The following PTPN9 variants were observed in gnomAD, a reference collection of about 807,000 sequenced individuals.
The protein encoded by PTPN9 is protein tyrosine phosphatase non-receptor type 9, also known as tyrosine-protein phosphatase non-receptor type 9.
PTPN9 carries 26 observed loss-of-function variants against 69.8 expected under a neutral mutation model. The ratio of observed to expected loss-of-function variants is 0.37; its 90% CI spans 0.27 to 0.52. PTPN9 has a LOEUF of 0.52. PTPN9 is among the 20% of genes least tolerant of loss of function. The pLI, the probability that PTPN9 is intolerant of heterozygous loss-of-function variation, is 0.91. For missense variants in PTPN9, 549 were observed against 740.3 expected (o/e 0.74, Z 3.00); for synonymous variants, 274 against 272.5 (o/e 1.01, Z -0.05).
In PTPN9 at chr15:75,467,754, A is replaced by G. The variant is rs555356142; in HGVS notation, c.*1015T>C. The G allele has an allele frequency of 6.6e-6, 1 of 152,626 alleles. No individual in the cohort carries two copies. Among genetic ancestry groups the G allele is most frequent in the African/African-American group, 2.4e-5 (1 of 41,514 alleles). The allele number at this position is 152,626 out of a possible 1,614,324, so 9.5% of individuals were successfully genotyped here. ...TGCATTTGGCTCTGGCTGCTCAGTG[A>G]GTTCATCTCTACCCTCCGCCTCCCA... On this transcript the variant is annotated 3_prime_UTR_variant, in exon 13 of 13. Coordinates refer to ENST00000618819, the MANE Select transcript of PTPN9 (RefSeq NM_002833.4).
At chr15:75,488,693 C>T (rs1567476189) in intron 8 of PTPN9, among the ~76,000 whole-genome samples, 1 of 152,070 alleles carries the variant, frequency 6.6e-6, no homozygotes, top group Non-Finnish European at 1.5e-5. Flanking sequence ...ACTTGGGAGG[C>T]AGAGGTGGGA....
chr15:75,572,879 C>T (rs957802829), intron 1 of PTPN9, among the ~76,000 whole-genome samples: 3 of 152,114 alleles, frequency 2.0e-5, no homozygotes, highest in African/African-American at 7.2e-5. Flanking sequence ...ATAGTAATTT[C>T]ATCATAATTT....
At chr15:75,482,181 CAT>C (rs2074640940) in intron 8 of PTPN9, among the ~76,000 whole-genome samples, 1 of 151,802 alleles carries the variant, frequency 6.6e-6, no homozygotes, top group Non-Finnish European at 1.5e-5. Context: ...CTCTCTGAAA[CAT>C]GTGCTGTGTC....
At chr15:75,469,770 A>G in intron 12 of PTPN9, 22 bp downstream of exon 12, 1 of 1,606,712 alleles carries the variant, frequency 6.2e-7, no homozygotes, top group Non-Finnish European at 8.5e-7. Flanking sequence ...GCAGACACCA[A>G]GAGCTGCATT....
intron 7 of PTPN9, among the ~76,000 whole-genome samples, chr15:75,494,562 A>G (rs1438148510): frequency 6.6e-6 from 1 of 151,384 alleles, no homozygotes; most frequent in East Asian, 2.0e-4. Flanking sequence ...CATGTTGGCC[A>G]GGCTGGTCTT....
At chr15:75,491,277 C>A (rs1366725040) in intron 7 of PTPN9, among the ~76,000 whole-genome samples, 1 of 151,998 alleles carries the variant, frequency 6.6e-6, no homozygotes. Context: ...ATGGCACACA[C>A]CTGTAATCCC....
intron 1 of PTPN9, among the ~76,000 whole-genome samples, chr15:75,545,554 G>C (rs1019054980): frequency 6.6e-6 from 1 of 152,206 alleles, no homozygotes; most frequent in Non-Finnish European, 1.5e-5. Context: ...TTAAATCACA[G>C]AAGAAACTAT....
chr15:75,483,898 C>G (rs1050557866), intron 8 of PTPN9, among the ~76,000 whole-genome samples: 4 of 152,258 alleles, frequency 2.6e-5, no homozygotes, highest in African/African-American at 9.6e-5. Context: ...ACATCTGAAG[C>G]CTGTTAGCAA....
intron 1 of PTPN9, among the ~76,000 whole-genome samples, chr15:75,566,979 T>A (rs2075129059): frequency 1.3e-5 from 2 of 151,748 alleles, no homozygotes; most frequent in Admixed American, 1.3e-4. Context: ...AACAGAAACA[T>A]ATGATCATTG....
At position 75,579,073 on chromosome 15, in the gene PTPN9, G is replaced by A; in HGVS notation, c.-297C>T. ...AAAAAGTGCAGGCGAAGAGCTAACAGCCACTCGGGATTTAAAAGGAAATAG... is the reference window on the plus strand; with the variant it reads ...AAAAAGTGCAGGCGAAGAGCTAACAACCACTCGGGATTTAAAAGGAAATAG... On this transcript the variant is annotated 5_prime_UTR_variant, in exon 1 of 13. Transcript: ENST00000618819. 1 of 205,064 alleles carries A rather than the reference G, an allele frequency of 4.9e-6. No homozygotes were observed. The allele number at this position is 205,064 out of a possible 1,614,324, so 12.7% of individuals were successfully genotyped here.
chr15:75,532,624 C>T (rs1016970594), intron 1 of PTPN9, among the ~76,000 whole-genome samples: 1 of 152,204 alleles, frequency 6.6e-6, no homozygotes. Flanking sequence ...GCTTTAAGCA[C>T]AGGAACAATT....
intron 8 of PTPN9, chr15:75,480,729 G>C: frequency 7.7e-7 from 1 of 1,304,966 alleles, no homozygotes; most frequent in Non-Finnish European, 9.8e-7. Context: ...ATGGAGTTCA[G>C]CGGGCAGCGG....
chr15:75,479,672 A>G lies in PTPN9; in HGVS notation c.1129+176T>C, dbSNP rs189136933. Among the ~76,000 whole-genome samples the G allele has an allele frequency of 3.5e-3, 525 of 151,962 alleles. 2 individuals are homozygous for G. Among genetic ancestry groups the G allele is most frequent in the Non-Finnish European group, 6.0e-3 (405 of 67,980 alleles). ...GTTTCCAGGCACACCTGGTACAGAA[A>G]CCCCAAACTACTTATTTGCTTTTCT... On this transcript the variant is annotated intron_variant, in intron 9 of 12. Coordinates refer to ENST00000618819, the MANE Select transcript of PTPN9 (RefSeq NM_002833.4).
chr15:75,511,781 G>A (rs757801101), intron 5 of PTPN9, among the ~76,000 whole-genome samples: 17 of 151,726 alleles, frequency 1.1e-4, no homozygotes, highest in Non-Finnish European at 1.8e-4. Flanking sequence ...CCATCATTCT[G>A]ATTATTCAGT....
intron 4 of PTPN9, among the ~76,000 whole-genome samples, chr15:75,520,836 C>G (rs1231518980): frequency 1.3e-5 from 2 of 151,948 alleles, no homozygotes; most frequent in Admixed American, 6.6e-5. Flanking sequence ...CAGCATTTTA[C>G]TCTGTTGCCC....
At chr15:75,534,571 G>A (rs1488628064) in intron 1 of PTPN9, among the ~76,000 whole-genome samples, 2 of 151,696 alleles carry the variant, frequency 1.3e-5, no homozygotes, top group Non-Finnish European at 2.9e-5. Flanking sequence ...GCTACTCGGG[G>A]GGCTGAGGTG....
intron 7 of PTPN9, among the ~76,000 whole-genome samples, chr15:75,502,474 G>A (rs936826030): frequency 6.6e-6 from 1 of 151,964 alleles, no homozygotes; most frequent in Admixed American, 6.6e-5. Flanking sequence ...GAGAGGGAGG[G>A]AGGAAGGAAG....
At chr15:75,567,753 T>G (rs1471302172) in intron 1 of PTPN9, among the ~76,000 whole-genome samples, 1 of 152,018 alleles carries the variant, frequency 6.6e-6, no homozygotes, top group Non-Finnish European at 1.5e-5. Context: ...TCCCAGCACT[T>G]TGGGAGGCCG....
intron 8 of PTPN9, chr15:75,480,762 G>C (rs867685134): frequency 3.4e-6 from 4 of 1,177,256 alleles, no homozygotes; most frequent in African/African-American, 1.6e-5. Context: ...CTTTGCCGCC[G>C]CGCCGGCGAG....
Sources: gnomAD v4.1 joint callset for allele counts (sites outside exome capture counted in the v4.1 genomes callset) on GRCh38, gnomAD v4.1.1 for gene constraint, MANE v1.5 for transcripts, NCBI Gene and HGNC (gene_info 2026-07-23, HGNC 2026-07-21) for gene names.